RARB: variants seen among roughly 807,000 people sequenced by gnomAD.
RARB encodes the protein retinoic acid receptor beta.
RARB carries 17 observed loss-of-function variants against 51.9 expected under a neutral mutation model. That is an observed-to-expected ratio of 0.33 (90% CI 0.22 to 0.49). The LOEUF (loss-of-function observed/expected upper bound fraction) is 0.49, where lower values mean the gene tolerates loss of function less well. Ranked by LOEUF, RARB falls within the 20% of genes least tolerant of loss-of-function variation. The probability of loss-of-function intolerance (pLI) is 0.99; values close to 1 mark genes in which losing one functional copy is unlikely to be tolerated. For synonymous variants in RARB, 215 were observed against 195.4 expected (o/e 1.10, Z -0.84); for missense variants, 369 against 550.8 (o/e 0.67, Z 3.30).
intron 2 of RARB, among the ~76,000 whole-genome samples, chr3:24,933,598 A>G (rs989880429): frequency 5.9e-5 from 9 of 152,100 alleles, no homozygotes; most frequent in Non-Finnish European, 1.3e-4. Flanking sequence ...TACAGCTAAG[A>G]CATATACTCA....
chr3:24,999,478 G>C (rs1697112304), intron 2 of RARB, among the ~76,000 whole-genome samples: 1 of 152,140 alleles, frequency 6.6e-6, no homozygotes, highest in African/African-American at 2.4e-5. Flanking sequence ...CTATGAGGCA[G>C]ATCCCATTAA....
At chr3:25,272,949 T>C (rs1422672886) in intron 5 of RARB, among the ~76,000 whole-genome samples, 1 of 152,220 alleles carries the variant, frequency 6.6e-6, no homozygotes, top group African/African-American at 2.4e-5. Flanking sequence ...TACCCATTCC[T>C]ATCTAAGCCA....
At chr3:24,966,107 T>G (rs1696247914) in intron 2 of RARB, among the ~76,000 whole-genome samples, 1 of 89,010 alleles carries the variant, frequency 1.1e-5, no homozygotes, top group Non-Finnish European at 2.3e-5. Context: ...ATTTTTTTTT[T>G]TTTTGGTTAT....
intron 5 of RARB, among the ~76,000 whole-genome samples, chr3:25,581,505 C>A (rs889340145): frequency 6.6e-6 from 1 of 152,126 alleles, no homozygotes; most frequent in Non-Finnish European, 1.5e-5. Context: ...CTCTTTAAGG[C>A]TCTAGAAGCA....
chr3:25,302,777 A>C (rs1704071330), intron 5 of RARB, among the ~76,000 whole-genome samples: 1 of 152,220 alleles, frequency 6.6e-6, no homozygotes, highest in Non-Finnish European at 1.5e-5. Flanking sequence ...ATCTCAAGCC[A>C]TTTTTTAAAA....
chr3:25,435,952 G>A (rs994127682), intron 1 of RARB, among the ~76,000 whole-genome samples: 1 of 152,120 alleles, frequency 6.6e-6, no homozygotes, highest in Non-Finnish European at 1.5e-5. Flanking sequence ...CACGATTAAT[G>A]CCTAGAAATT....
At chr3:25,000,324 G>C (rs1697132765) in intron 2 of RARB, among the ~76,000 whole-genome samples, 1 of 152,126 alleles carries the variant, frequency 6.6e-6, no homozygotes, top group African/African-American at 2.4e-5. Context: ...ATTCAAGGGA[G>C]TGGGAGGAGG....
chr3:25,342,270 C>G (rs1705251218), intron 5 of RARB, among the ~76,000 whole-genome samples: 1 of 152,200 alleles, frequency 6.6e-6, no homozygotes. Context: ...CTAATAAACT[C>G]TATGTATAAC....
intron 2 of RARB, among the ~76,000 whole-genome samples, chr3:25,044,440 A>C (rs1698174054): frequency 6.6e-6 from 1 of 152,154 alleles, no homozygotes; most frequent in Non-Finnish European, 1.5e-5. Flanking sequence ...TGAGAGGAAG[A>C]AAGGAAGGAA....
intron 5 of RARB, among the ~76,000 whole-genome samples, chr3:25,202,597 C>A (rs898499005): frequency 6.6e-6 from 1 of 152,188 alleles, no homozygotes; most frequent in Non-Finnish European, 1.5e-5. Context: ...CCTCTACACA[C>A]GGCTTTAAAT....
intron 2 of RARB, among the ~76,000 whole-genome samples, chr3:24,918,226 A>G (rs1204927229): frequency 6.6e-6 from 1 of 152,232 alleles, no homozygotes; most frequent in African/African-American, 2.4e-5. Flanking sequence ...ATGCAAATGA[A>G]CGAATTACTA....
intron 2 of RARB, among the ~76,000 whole-genome samples, chr3:24,975,135 A>G (rs186527412): frequency 5.3e-5 from 8 of 152,288 alleles, no homozygotes; most frequent in Non-Finnish European, 7.4e-5. Flanking sequence ...AGTATGGCAT[A>G]AGGATTTGGG....
intron 1 of RARB, among the ~76,000 whole-genome samples, chr3:24,854,500 C>A (rs73152446): frequency 0.041 from 6,284 of 152,174 alleles, 405 homozygotes; most frequent in African/African-American, 0.14. Flanking sequence ...TGGCCCTGGA[C>A]CAATAGCATT....
chr3:25,024,019 G>A (rs1697692710), intron 2 of RARB, among the ~76,000 whole-genome samples: 1 of 152,140 alleles, frequency 6.6e-6, no homozygotes, highest in Non-Finnish European at 1.5e-5. Context: ...GTGAAATGAA[G>A]AAACTGGGCT....
intron 4 of RARB, among the ~76,000 whole-genome samples, chr3:25,134,316 T>C (rs984040951): frequency 6.6e-6 from 1 of 151,952 alleles, no homozygotes. Context: ...ACATAGGATA[T>C]AGGAGGCTGA....
intron 2 of RARB, among the ~76,000 whole-genome samples, chr3:25,058,128 T>A (rs1245307280): frequency 6.6e-6 from 1 of 152,000 alleles, no homozygotes; most frequent in Non-Finnish European, 1.5e-5. Context: ...TGGTTAATTA[T>A]GTTTGGAGTT....
chr3:25,055,728 T>G (rs1421356684), intron 2 of RARB, among the ~76,000 whole-genome samples: 1 of 152,086 alleles, frequency 6.6e-6, no homozygotes, highest in Non-Finnish European at 1.5e-5. Flanking sequence ...AACTTCGGTT[T>G]GATCCTGCTC....
chr3:24,865,534 A>G (rs1702830896), intron 2 of RARB, among the ~76,000 whole-genome samples: 2 of 152,258 alleles, frequency 1.3e-5, no homozygotes, highest in Middle Eastern at 6.8e-3. Context: ...CAGAATTCGA[A>G]CCCAAGCAGT....
chr3:25,334,223 G>A (rs1480623433), intron 5 of RARB, among the ~76,000 whole-genome samples: 1 of 152,276 alleles, frequency 6.6e-6, no homozygotes, highest in East Asian at 1.9e-4. Flanking sequence ...AAAGACACAT[G>A]CACACGTATG....
Sources: allele counts gnomAD v4.1 joint callset (sites outside exome capture counted in the v4.1 genomes callset), GRCh38; gene constraint gnomAD v4.1.1; transcripts MANE v1.5; gene names NCBI Gene and HGNC (gene_info 2026-07-23, HGNC 2026-07-21).